The following TFG variants were observed in gnomAD, a reference collection of about 807,000 sequenced individuals.
TFG encodes the protein trafficking from ER to golgi regulator, also known as protein TFG.
TFG carries 22 observed loss-of-function variants against 51.4 expected under a neutral mutation model. The ratio of observed to expected loss-of-function variants is 0.43; its 90% CI spans 0.31 to 0.61. The LOEUF (loss-of-function observed/expected upper bound fraction) is 0.61. Ranked by LOEUF, TFG falls within the 20% of genes least tolerant of loss-of-function variation. The pLI is 0.12. For synonymous variants in TFG, 187 were observed against 165.6 expected (o/e 1.13, Z -0.99); for missense variants, 419 against 487.7 (o/e 0.86, Z 1.33).
chr3:100,740,446 G>A (rs531442516), intron 6 of TFG, among the ~76,000 whole-genome samples: 70 of 152,254 alleles, frequency 4.6e-4, no homozygotes, highest in South Asian at 2.1e-3. Flanking sequence ...AATCAGAAGA[G>A]AGTGAGGTAG....
intron 4 of TFG, among the ~76,000 whole-genome samples, chr3:100,729,683 A>C: frequency 6.6e-6 from 1 of 152,152 alleles, no homozygotes; most frequent in Non-Finnish European, 1.5e-5. Context: ...AAAAGTCTAG[A>C]CTGGATGACT....
At chr3:100,713,612 G>A in intron 1 of TFG, 31 bp from the exon 2 acceptor site, 2 of 1,105,730 alleles carry the variant, frequency 1.8e-6, no homozygotes, top group South Asian at 4.9e-5. Flanking sequence ...GGTATGTTTT[G>A]TTGTTTAATT....
At chr3:100,727,883 G>A (rs1414791917) in intron 3 of TFG, among the ~76,000 whole-genome samples, 1 of 152,136 alleles carries the variant, frequency 6.6e-6, no homozygotes, top group Non-Finnish European at 1.5e-5. Context: ...CATCCAGGCT[G>A]GAGTGCAGTG....
At position 100,742,273 on chromosome 3, in the gene TFG, A is replaced by G. The variant is rs115469584; in HGVS notation, c.722-2560A>G. 2.4e-3 allele frequency among the ~76,000 whole-genome samples: 372 copies of G among 152,326 alleles called. 3 individuals carry two copies. Among genetic ancestry groups the G allele is most frequent in the African/African-American group, 8.4e-3 (351 of 41,568 alleles). On this transcript the variant is annotated intron_variant, in intron 6 of 7. Transcript: ENST00000240851. The stretch of plus-strand genomic sequence containing the variant: ...ATTGTAACTTTAAGTGAGATGACGT[A>G]TGAGGAAATCAGTTCTACCATAGGC...
intron 2 of TFG, among the ~76,000 whole-genome samples, chr3:100,714,130 A>C (rs897254943): frequency 5.9e-5 from 9 of 152,070 alleles, no homozygotes; most frequent in Admixed American, 2.0e-4. Context: ...TCCTCTCTTC[A>C]CGGTAGTTGA....
intron 6 of TFG, chr3:100,743,382 C>G (rs147421587): frequency 1.3e-5 from 2 of 152,060 alleles, no homozygotes; most frequent in African/African-American, 4.8e-5. Context: ...ATTTTAGATT[C>G]TGGTCACTTC....
At chr3:100,723,323 GA>G (rs1262919908) in intron 3 of TFG, among the ~76,000 whole-genome samples, 6 of 151,760 alleles carry the variant, frequency 4.0e-5, no homozygotes, top group Non-Finnish European at 7.4e-5. Context: ...CAGGAAAGGA[GA>G]AAAAAAGAAA....
At chr3:100,725,307 T>G (rs2095072131) in intron 3 of TFG, among the ~76,000 whole-genome samples, 1 of 152,162 alleles carries the variant, frequency 6.6e-6, no homozygotes, top group East Asian at 1.9e-4. Flanking sequence ...ATACCTATTA[T>G]AATTATATAC....
chr3:100,727,863 C>T (rs907385369), intron 3 of TFG, among the ~76,000 whole-genome samples: 46 of 152,198 alleles, frequency 3.0e-4, no homozygotes, highest in African/African-American at 1.1e-3. Context: ...GAGACAAGGT[C>T]TCCCTCTGTC....
chr3:100,719,372 A>T (rs769746368), intron 2 of TFG, among the ~76,000 whole-genome samples: 2 of 152,192 alleles, frequency 1.3e-5, no homozygotes, highest in Non-Finnish European at 2.9e-5. Context: ...TGGTATGCCA[A>T]TTATAGCATT....
intron 7 of TFG, 107 bp downstream of exon 7, chr3:100,745,038 T>A: frequency 2.1e-6 from 1 of 485,622 alleles, no homozygotes; most frequent in Non-Finnish European, 3.6e-6. Flanking sequence ...TAATAGGTAT[T>A]AAGTTTTTAT....
intron 3 of TFG, among the ~76,000 whole-genome samples, chr3:100,723,029 T>G (rs892961731): frequency 4.6e-5 from 7 of 152,230 alleles, no homozygotes; most frequent in African/African-American, 1.7e-4. Flanking sequence ...CTCTTAAACC[T>G]TGGGCTGTCA....
At chr3:100,730,137 A>G (rs2095087540) in intron 4 of TFG, among the ~76,000 whole-genome samples, 1 of 152,220 alleles carries the variant, frequency 6.6e-6, no homozygotes, top group African/African-American at 2.4e-5. Flanking sequence ...CAACATTTGC[A>G]TATAATTTCA....
intron 1 of TFG, among the ~76,000 whole-genome samples, chr3:100,713,420 A>G (rs1295066693): frequency 6.6e-6 from 1 of 152,198 alleles, no homozygotes; most frequent in Admixed American, 6.5e-5. Flanking sequence ...ATGTCAGATG[A>G]ACAGTTAAAT....
chr3:100,721,700 G>A (rs1348870320), intron 3 of TFG, among the ~76,000 whole-genome samples: 6 of 152,114 alleles, frequency 3.9e-5, no homozygotes, highest in Non-Finnish European at 7.4e-5. Flanking sequence ...GGTCACATAG[G>A]TTTCTCACAG....
chr3:100,724,392 T>C (rs1401419989), intron 3 of TFG, among the ~76,000 whole-genome samples: 5 of 152,174 alleles, frequency 3.3e-5, no homozygotes, highest in Non-Finnish European at 7.4e-5. Context: ...ATATATACCA[T>C]GAATTCCTTT....
intron 3 of TFG, among the ~76,000 whole-genome samples, chr3:100,728,063 G>T (rs2095080811): frequency 6.6e-6 from 1 of 152,030 alleles, no homozygotes; most frequent in Non-Finnish European, 1.5e-5. Flanking sequence ...TGAACTCCTG[G>T]GCTCAAGCAG....
At chr3:100,746,983 G>A (rs1467960505) in intron 7 of TFG, among the ~76,000 whole-genome samples, 1 of 152,146 alleles carries the variant, frequency 6.6e-6, no homozygotes, top group Non-Finnish European at 1.5e-5. Context: ...ATGAGTTAAT[G>A]CGTTAAAGAT....
At chr3:100,721,363 C>T (rs937230134) in intron 3 of TFG, among the ~76,000 whole-genome samples, 1 of 152,028 alleles carries the variant, frequency 6.6e-6, no homozygotes, top group Non-Finnish European at 1.5e-5. Context: ...AGATTTTAGC[C>T]TGCATAATTT....
Sources: allele counts gnomAD v4.1 joint callset (sites outside exome capture counted in the v4.1 genomes callset), GRCh38; gene constraint gnomAD v4.1.1; transcripts MANE v1.5; gene names NCBI Gene and HGNC (gene_info 2026-07-23, HGNC 2026-07-21).